Variants in EYS observed in about 807,000 individuals in gnomAD.
EYS encodes protein eyes shut homolog.
EYS carries 250 observed loss-of-function variants against 282.1 expected under a neutral mutation model. The observed-to-expected ratio is 0.89, with a 90% CI of 0.80 to 0.98. The LOEUF is 0.98. Ranked by LOEUF, EYS falls within the 50% of genes least tolerant of loss-of-function variation. EYS has a pLI of 0.00. For missense variants in EYS, 4,016 were observed against 3,709.0 expected (o/e 1.08, Z -2.15); for synonymous variants, 1,355 against 1,282.9 (o/e 1.06, Z -1.20).
At chr6:64,660,793 A>G (rs9363072) in intron 22 of EYS, among the ~76,000 whole-genome samples, 96,822 of 152,060 alleles carry the variant, frequency 0.64, 31,092 homozygotes, top group African/African-American at 0.71. Flanking sequence ...AATCAATATC[A>G]TGAAAATGGC....
At chr6:64,180,660 C>A (rs1244520219) in intron 31 of EYS, among the ~76,000 whole-genome samples, 3 of 152,036 alleles carry the variant, frequency 2.0e-5, no homozygotes, top group Admixed American at 1.3e-4. Flanking sequence ...TCTGGCTTAT[C>A]AATGAGAACA....
At position 64,427,555 on chromosome 6, in the gene EYS, T is replaced by C. The variant is rs140771496; in HGVS notation, c.5927+8619A>G. Among the ~76,000 whole-genome samples the C allele has an allele frequency of 2.2e-3, 341 of 152,250 alleles. 2 individuals are homozygous for C. The highest frequency in any genetic ancestry group is 7.9e-3 in the African/African-American group (328 of 41,580). On this transcript the variant is annotated intron_variant, in intron 28 of 42. Transcript: ENST00000503581. ...CTACCTTCAATATGCTCTCATTATA[T>C]ATTAAAAAAGGCCATATAACAAAAA...
At chr6:64,158,459 T>C (rs1339442305) in intron 31 of EYS, among the ~76,000 whole-genome samples, 3 of 152,216 alleles carry the variant, frequency 2.0e-5, no homozygotes, top group Non-Finnish European at 1.5e-5. Context: ...GGTAGCTAAC[T>C]AAATACCTGC....
At chr6:65,441,406 T>G (rs1320922017) in intron 5 of EYS, among the ~76,000 whole-genome samples, 1 of 152,006 alleles carries the variant, frequency 6.6e-6, no homozygotes, top group Non-Finnish European at 1.5e-5. Flanking sequence ...TCCCATTTTC[T>G]AAAACTCTTA....
chr6:63,870,241 C>T (rs556559783), intron 35 of EYS, among the ~76,000 whole-genome samples: 1 of 152,264 alleles, frequency 6.6e-6, no homozygotes, highest in Admixed American at 6.5e-5. Flanking sequence ...TTTAAGCCAG[C>T]AAAGTGCCAT....
intron 30 of EYS, among the ~76,000 whole-genome samples, chr6:64,239,933 A>C (rs535807066): frequency 6.6e-6 from 1 of 152,288 alleles, no homozygotes; most frequent in East Asian, 1.9e-4. Flanking sequence ...ATTTTGTATA[A>C]GGCGTAAGGA....
intron 12 of EYS, among the ~76,000 whole-genome samples, chr6:65,184,797 C>A (rs538111838): frequency 1.3e-5 from 2 of 151,504 alleles, no homozygotes; most frequent in Non-Finnish European, 3.0e-5. Flanking sequence ...AAATATAAAA[C>A]CTCAAATAAA....
intron 22 of EYS, among the ~76,000 whole-genome samples, chr6:64,680,150 A>G (rs116734793): frequency 0.012 from 1,878 of 152,354 alleles, 13 homozygotes; most frequent in Non-Finnish European, 0.019. Flanking sequence ...GGGTTTGGGA[A>G]AGACTATTTG....
At chr6:64,522,885 TGAAAA>T (rs939122218) in intron 26 of EYS, among the ~76,000 whole-genome samples, 5 of 151,780 alleles carry the variant, frequency 3.3e-5, no homozygotes, top group African/African-American at 7.2e-5. Context: ...CAGTTAAAGA[TGAAAA>T]GAAAATAGCT....
At chr6:64,130,573 A>G (rs968302516) in intron 31 of EYS, among the ~76,000 whole-genome samples, 3 of 152,034 alleles carry the variant, frequency 2.0e-5, no homozygotes, top group Non-Finnish European at 4.4e-5. Flanking sequence ...ACATATATAC[A>G]TATGTAACAA....
chr6:64,523,436 A>G (rs1001364573), intron 26 of EYS, among the ~76,000 whole-genome samples: 2 of 151,790 alleles, frequency 1.3e-5, no homozygotes, highest in Non-Finnish European at 3.0e-5. Flanking sequence ...TTTAATTCAT[A>G]TATTAGTACT....
chr6:63,858,790 C>T (rs1223096579), intron 36 of EYS, among the ~76,000 whole-genome samples: 1 of 152,124 alleles, frequency 6.6e-6, no homozygotes, highest in East Asian at 1.9e-4. Context: ...AGAGAGAAAG[C>T]TGGATCATAT....
At chr6:63,937,383 T>C (rs1765097654) in intron 35 of EYS, among the ~76,000 whole-genome samples, 1 of 83,706 alleles carries the variant, frequency 1.2e-5, no homozygotes, top group Non-Finnish European at 2.3e-5. Context: ...TTTTTTTTTT[T>C]TTTTTTTTTT....
At chr6:64,772,886 GA>G in intron 22 of EYS, among the ~76,000 whole-genome samples, 2 of 151,574 alleles carry the variant, frequency 1.3e-5, no homozygotes, top group South Asian at 4.2e-4. Context: ...TCCTAACTAG[GA>G]AGGTTTCCTC....
At chr6:64,887,572 A>C (rs1281269321) in intron 18 of EYS, among the ~76,000 whole-genome samples, 1 of 152,062 alleles carries the variant, frequency 6.6e-6, no homozygotes, top group Non-Finnish European at 1.5e-5. Flanking sequence ...TTTCCATAAA[A>C]TGTTTTTGAG....
At chr6:65,679,709 C>G (rs1768750051) in intron 1 of EYS, among the ~76,000 whole-genome samples, 1 of 151,580 alleles carries the variant, frequency 6.6e-6, no homozygotes, top group South Asian at 2.1e-4. Context: ...ATTTTTTCAC[C>G]ACAATAAAAA....
intron 13 of EYS, among the ~76,000 whole-genome samples, chr6:65,007,311 CA>C (rs1370204834): frequency 6.6e-6 from 1 of 152,090 alleles, no homozygotes; most frequent in African/African-American, 2.4e-5. Flanking sequence ...TCCCCCAAGG[CA>C]AAAATGCCCC....
At chr6:65,020,907 C>T (rs1017088168) in intron 13 of EYS, among the ~76,000 whole-genome samples, 1 of 152,184 alleles carries the variant, frequency 6.6e-6, no homozygotes, top group African/African-American at 2.4e-5. Context: ...GAAGCCACAG[C>T]CTGAACTGTA....
In EYS at chr6:65,344,058, G is replaced by A. The variant is rs1162617788; in HGVS notation, c.1579C>T (p.Pro527Ser). The change falls in exon 10 of 43, where the codon CCA (proline) becomes TCA (serine). Residue 527 changes from proline to serine, a missense_variant. Pro to Ser is a moderately conservative substitution (Grantham distance 74). Transcript: ENST00000503581. Reference sequence around the variant, plus strand: ...CTTACCTCTTTTGTGCCTTCATGTGGGAACCAACATGAAGAATTATTATCT... The same window carrying A: ...CTTACCTCTTTTGTGCCTTCATGTGAGAACCAACATGAAGAATTATTATCT... ...PEDNNSSCWFPHEGTKEICAN... is the reference protein window; with the variant it reads ...PEDNNSSCWFSHEGTKEICAN... 1.2e-6 allele frequency: 2 copies of A among 1,610,372 alleles called. No homozygotes were observed. Among genetic ancestry groups the A allele is most frequent in the South Asian group, 1.1e-5 (1 of 90,988 alleles).
Sources: gnomAD v4.1 joint callset for allele counts (sites outside exome capture counted in the v4.1 genomes callset) on GRCh38, gnomAD v4.1.1 for gene constraint, MANE v1.5 for transcripts, NCBI Gene and HGNC (gene_info 2026-07-23, HGNC 2026-07-21) for gene names.